The following IFNGR1 variants were observed in gnomAD, a reference collection of about 807,000 sequenced individuals.
IFNGR1 encodes interferon gamma receptor 1.
Under a neutral mutation model 35.4 loss-of-function variants are expected in IFNGR1, and 23 were observed. That is an observed-to-expected ratio of 0.65 (90% CI 0.47 to 0.92). The LOEUF is 0.92. IFNGR1 is among the 40% of genes least tolerant of loss of function. IFNGR1 has a pLI of 0.00. For synonymous variants in IFNGR1, 199 were observed against 209.5 expected (o/e 0.95, Z 0.43); for missense variants, 533 against 583.4 (o/e 0.91, Z 0.89).
chr6:137,210,391 TCTC>T (rs998156300), intron 1 of IFNGR1, among the ~76,000 whole-genome samples: 7 of 152,232 alleles, frequency 4.6e-5, no homozygotes, highest in Non-Finnish European at 8.8e-5. Context: ...CACACACACT[TCTC>T]CTTTCTCCCT....
rs1401504751 is a variant in IFNGR1, at chr6:137,198,327, T to C, written c.1174A>G (p.Ile392Val). 6.2e-7 allele frequency: 1 copy of C among 1,614,172 alleles called. No individual in the cohort carries two copies. The highest frequency in any genetic ancestry group is 8.5e-7 in the Non-Finnish European group (1 of 1,180,030). The change falls in exon 7 of 7, where the codon ATC (isoleucine) becomes GTC (valine). Residue 392 changes from isoleucine (I) to valine (V), a missense_variant. Ile to Val is a conservative substitution (Grantham distance 29, BLOSUM62 3). Transcript: ENST00000367739. ...CTGGAGTGATACGAGTTTAAAGCGA[T>C]GCTGCCAGGTTCAGACTGGTTACTA... Reference protein sequence around the residue: ...LSSNQSEPGSIALNSYHSRNC... With the variant: ...LSSNQSEPGSVALNSYHSRNC...
chr6:137,206,659 T>G, intron 2 of IFNGR1: 1 of 398,530 alleles, frequency 2.5e-6, no homozygotes, highest in Non-Finnish European at 4.5e-6. Flanking sequence ...AAAAGTTTTT[T>G]GAAATTTATA....
chr6:137,200,760 C>A, intron 6 of IFNGR1, 121 bp downstream of exon 6: 1 of 831,460 alleles, frequency 1.2e-6, no homozygotes, highest in South Asian at 1.8e-5. Flanking sequence ...GGTAGACTGA[C>A]TGATTGATGG....
intron 2 of IFNGR1, 56 bp from the exon 3 acceptor site, chr6:137,206,364 A>G: frequency 7.5e-6 from 10 of 1,335,970 alleles, no homozygotes; most frequent in Non-Finnish European, 1.1e-5. Context: ...ATAAACTCAA[A>G]CCATTTCTGT....
chr6:137,215,202 G>T (rs1779661579), intron 1 of IFNGR1: 41 of 1,525,684 alleles, frequency 2.7e-5, no homozygotes, highest in Non-Finnish European at 3.5e-5. Flanking sequence ...AGTTTTGTTG[G>T]TTTTCATTAA....
intron 1 of IFNGR1, among the ~76,000 whole-genome samples, chr6:137,214,552 C>A (rs1219461507): frequency 6.6e-6 from 1 of 152,166 alleles, no homozygotes; most frequent in Admixed American, 6.5e-5. Context: ...TAACTAACCT[C>A]CCCTATATTT....
chr6:137,218,874 TA>T (rs1273451585), intron 1 of IFNGR1: 23 of 372,244 alleles, frequency 6.2e-5, no homozygotes, highest in East Asian at 2.1e-4. Context: ...TATCTAACCA[TA>T]AAAAAAGGTA....
chr6:137,219,383 A>AGCCCAGCG lies in IFNGR1; in HGVS notation c.-57_-56insCGCTGGGC. The AGCCCAGCG allele has an allele frequency of 3.2e-6, 5 of 1,562,046 alleles. No homozygotes were observed. The highest frequency in any genetic ancestry group is 4.3e-6 in the Non-Finnish European group (5 of 1,153,300). ...CGAGCGCCTGCGGGACCAGCCCAGC[A>AGCCCAGCG]CTGCCCTCCAGCCCCGGCCTTACGT... On this transcript the variant is annotated 5_prime_UTR_variant, in exon 1 of 7. Transcript: ENST00000367739.
rs1221722595 is a variant in IFNGR1 at position 137,215,362 on chromosome 6, AATTAT to A, written c.85+3876_85+3880del. On this transcript the variant is annotated intron_variant, in intron 1 of 6. Transcript: ENST00000367739. The stretch of plus-strand genomic sequence containing the variant: ...TTTCCTGATTTTATTACATTATCAC[AATTAT>A]ATTATGGCCACTGCAAAAGTTGAAC... 49 of 1,532,900 alleles carry A rather than the reference AATTAT, an allele frequency of 3.2e-5. No homozygotes were observed. In the African/African-American group the frequency reaches 5.6e-4, roughly 17 times the overall value. The allele number at this position is 1,532,900 out of a possible 1,614,324, so 95.0% of individuals were successfully genotyped here.
In IFNGR1 at chr6:137,199,149, C is replaced by T. The variant is rs987938806; in HGVS notation, c.862-510G>A. Among the ~76,000 whole-genome samples, 18 of 151,442 alleles carry T rather than the reference C, an allele frequency of 1.2e-4. 1 individual carries two copies. Among genetic ancestry groups the T allele is most frequent in the Non-Finnish European group, 2.5e-4 (17 of 67,968 alleles). On this transcript the variant is annotated intron_variant, in intron 6 of 6. Coordinates refer to ENST00000367739, the MANE Select transcript of IFNGR1 (RefSeq NM_000416.3). ...CTGAATGCTTCCTGCCCTTGAACAT[C>T]GGACTCTGAATTCTTCAAGTTTGGA... is the stretch of plus-strand genomic sequence containing the variant.
chr6:137,214,188 A>T (rs959538280), intron 1 of IFNGR1, among the ~76,000 whole-genome samples: 6 of 152,244 alleles, frequency 3.9e-5, no homozygotes, highest in Non-Finnish European at 8.8e-5. Context: ...ATACAGGGAC[A>T]GGAATGGGGA....
chr6:137,207,062 T>C lies in IFNGR1; in HGVS notation c.101A>G (p.Asn34Ser). ...CATGTTATAGGATTCAATTGTAACA[T>C]TAGTTGGTGTAGGCACTGTAAGAAA... is the stretch of plus-strand genomic sequence containing the variant. ...LGPSSVPTPT[N>S]VTIESYNMNP... Residue 34 changes from asparagine to serine, a missense_variant, in exon 2 of 7, where the codon AAT becomes AGT. Asn to Ser is a conservative substitution (Grantham distance 46). Coordinates refer to ENST00000367739, the MANE Select transcript of IFNGR1 (RefSeq NM_000416.3). 6.2e-7 allele frequency: 1 copy of C among 1,613,980 alleles called. No homozygotes were observed. The highest frequency in any genetic ancestry group is 8.5e-7 in the Non-Finnish European group (1 of 1,179,896).
Position 137,197,818 on chromosome 6 carries a change from C to CTTT in IFNGR1, c.*210_*212dup. 9.2e-6 allele frequency: 5 copies of CTTT among 541,854 alleles called. No individual in the cohort carries two copies. The highest frequency in any genetic ancestry group is 1.9e-5 in the African/African-American group (1 of 51,916). 33.6% of individuals were successfully genotyped at this position (541,854 alleles called of 1,614,324 possible). On this transcript the variant is annotated 3_prime_UTR_variant, in exon 7 of 7. Coordinates refer to ENST00000367739, the MANE Select transcript of IFNGR1 (RefSeq NM_000416.3). ...ATGTAAAGGTTCATAAGTTACAATG[C>CTTT]TTTTTTTGTTTAAAAAAAAAAAAAA...
At chr6:137,199,499 A>ATATAT (rs1779200301) in intron 6 of IFNGR1, among the ~76,000 whole-genome samples, 3 of 21,936 alleles carry the variant, frequency 1.4e-4, no homozygotes, top group Non-Finnish European at 2.3e-4. Context: ...ATATTATATA[A>ATATAT]AATATATAAT....
In IFNGR1 at chr6:137,209,903, C is replaced by T. The variant is rs533347606; in HGVS notation, c.86-2826G>A. The stretch of plus-strand genomic sequence containing the variant: ...TCCAGTTTCATCAACACTCTGCTCT[C>T]TGGGGTGTGCAGGGCTTTTTACAAA... On this transcript the variant is annotated intron_variant, in intron 1 of 6. Coordinates refer to ENST00000367739, the MANE Select transcript of IFNGR1 (RefSeq NM_000416.3). The T allele has an allele frequency of 7.5e-6, 3 of 398,702 alleles. No individual in the cohort carries two copies. The East Asian group carries it at 1.1e-4, about 14-fold the overall frequency. The allele number at this position is 398,702 out of a possible 1,614,324, so 24.7% of individuals were successfully genotyped here. A position where few individuals can be genotyped will look rare whatever the true frequency, so the allele number is the denominator to read the frequency against.
intron 6 of IFNGR1, among the ~76,000 whole-genome samples, chr6:137,199,326 T>C (rs1300203994): frequency 7.6e-6 from 1 of 131,838 alleles, no homozygotes; most frequent in African/African-American, 2.9e-5. Context: ...TAATATATAA[T>C]TTATAATATA....
chr6:137,205,140 A>G (rs2114483031), intron 3 of IFNGR1, among the ~76,000 whole-genome samples: 1 of 152,342 alleles, frequency 6.6e-6, no homozygotes, highest in East Asian at 1.9e-4. Flanking sequence ...AAAAAAATCT[A>G]ACATGCAGAT....
intron 4 of IFNGR1, 66 bp from the exon 5 acceptor site, chr6:137,203,751 C>T (rs771691334): frequency 1.7e-6 from 2 of 1,171,072 alleles, no homozygotes; most frequent in Admixed American, 2.0e-5. Context: ...AAAAAAATCA[C>T]CATATTAGTC....
chr6:137,208,076 T>G (rs921747861), intron 1 of IFNGR1, among the ~76,000 whole-genome samples: 1 of 152,188 alleles, frequency 6.6e-6, no homozygotes, highest in African/African-American at 2.4e-5. Flanking sequence ...CTTGCTATGT[T>G]TTAGCAAAGA....
Sources: allele counts gnomAD v4.1 joint callset (sites outside exome capture counted in the v4.1 genomes callset), GRCh38; gene constraint gnomAD v4.1.1; transcripts MANE v1.5; gene names NCBI Gene and HGNC (gene_info 2026-07-23, HGNC 2026-07-21).